Variants in KCNC3 observed in about 807,000 individuals in gnomAD.
KCNC3 encodes potassium voltage-gated channel subfamily C member 3, also known as voltage-gated potassium channel KCNC3.
A neutral mutation model predicts 43.9 loss-of-function variants in KCNC3; 22 were observed. The observed-to-expected ratio is 0.50, with a 90% CI of 0.36 to 0.72. The LOEUF is 0.72. Among genes scored for constraint, KCNC3 ranks in the 30% least tolerant of loss-of-function variants. The pLI, the probability that KCNC3 is intolerant of heterozygous loss-of-function variation, is 0.00. For synonymous variants in KCNC3, 492 were observed against 488.0 expected, an observed-to-expected ratio of 1.01 and a Z score of -0.11; for missense variants, 829 against 1,073.8, an observed-to-expected ratio of 0.77 and a Z score of 3.19.
In KCNC3 at chr19:50,312,511, G is replaced by C. The variant is rs1325876610; in HGVS notation, c.*3604C>G. On this transcript the variant is annotated 3_prime_UTR_variant, in exon 5 of 5. Transcript: ENST00000477616. ...CTGGCGGCCGGGGGGAAAAGGGGGA[G>C]CCGGACTTGGAAAGAGTCCCTTTAG... The C allele has an allele frequency of 6.6e-6, 1 of 152,272 alleles. No individual in the cohort carries two copies. The highest frequency in any genetic ancestry group is 2.4e-5 in the African/African-American group (1 of 41,458). The allele number at this position is 152,272 out of a possible 1,614,324, so 9.4% of individuals were successfully genotyped here.
chr19:50,323,262 G>C lies in KCNC3; in HGVS notation c.1691C>G (p.Pro564Arg), dbSNP rs779578498. The change falls in exon 2 of 5, where the codon CCC (proline) becomes CGC (arginine). Residue 564 changes from proline (P) to arginine (R), a missense_variant. Around this residue, in one of 7 missense-constraint regions of KCNC3, gnomAD observed 308 missense variants for 276.2 expected, o/e 1.11. Transcript: ENST00000477616. The stretch of plus-strand genomic sequence containing the variant: ...GGGCGAGCCCGGTTGCGGGGGCCGG[G>C]GGATGTGTTTGTTCTTCTTCTTGGG... ...KLPKKKNKHI[P>R]RPPQPGSPNY... 5.6e-6 allele frequency: 9 copies of C among 1,605,168 alleles called. 1 individual carries two copies. In the South Asian group the frequency reaches 9.9e-5, roughly 18 times the overall value.
In KCNC3 at chr19:50,320,670, C is replaced by T. The variant is rs144957827; in HGVS notation, c.2093G>A (p.Arg698His). ...EDKSPITPGS[R>H]GRYSRDRACF... Reference sequence around the variant, plus strand: ...GGCTCGGTCCCGGCTATAGCGGCCACGGCTTCCAGGCGTGATGGGGCTCTT... The same window carrying T: ...GGCTCGGTCCCGGCTATAGCGGCCATGGCTTCCAGGCGTGATGGGGCTCTT... The change falls in exon 3 of 5, where the codon CGT (arginine) becomes CAT (histidine). Residue 698 changes from arginine (R) to histidine (H), a missense_variant. Transcript: ENST00000477616. The T allele has an allele frequency of 4.3e-4, 695 of 1,613,694 alleles. 4 individuals carry two copies. In the African/African-American group the frequency reaches 8.4e-3, roughly 19 times the overall value.
In KCNC3 at chr19:50,328,726, C is replaced by T. The variant is rs1377650235; in HGVS notation, c.357G>A (p.Glu119=). ...LPGTRLAGLT[E]PEAAARFDYD... ...AGTCGAAGCGTGCCGCCGCCTCGGG[C>T]TCCGTCAGGCCGGCCAGCCGCGTCC... is the stretch of plus-strand genomic sequence containing the variant. The change falls in exon 1 of 5, where the codon GAG becomes GAA. Residue 119 remains glutamate (E), a synonymous_variant. Coordinates refer to ENST00000477616, the MANE Select transcript of KCNC3 (RefSeq NM_004977.3). The T allele has an allele frequency of 1.3e-6, 2 of 1,596,950 alleles. No homozygotes were observed. Among genetic ancestry groups the T allele is most frequent in the Admixed American group, 3.4e-5 (2 of 58,146 alleles).
At chr19:50,316,242 TG>T (rs1316538118) in intron 4 of KCNC3, among the ~76,000 whole-genome samples, 151 bp from the exon 5 acceptor site, 8 of 109,878 alleles carry the variant, frequency 7.3e-5, no homozygotes, top group Non-Finnish European at 1.5e-4. Flanking sequence ...AGCAGTGAAA[TG>T]GGGGGCGGCT....
chr19:50,324,160 C>G lies in KCNC3; in HGVS notation c.871-78G>C. 7.0e-7 allele frequency: 1 copy of G among 1,419,918 alleles called. No homozygotes were observed. The highest frequency in any genetic ancestry group is 9.4e-7 in the Non-Finnish European group (1 of 1,059,386). 88.0% of individuals were successfully genotyped at this position (1,419,918 alleles called of 1,614,324 possible). ...GGCCATAACATCCAGAAGACCCTTC[C>G]AGTGCCCCCTTCCCCAGCCTCCTGG... On this transcript the variant is annotated intron_variant, in intron 1 of 4. Transcript: ENST00000477616. This position sits in a 1 kb window ranked among gnomAD's most constrained non-coding sequence, Gnocchi z 4.1.
intron 2 of KCNC3, among the ~76,000 whole-genome samples, chr19:50,321,974 A>G (rs1479363750): frequency 6.6e-6 from 1 of 151,954 alleles, no homozygotes; most frequent in Non-Finnish European, 1.5e-5. Context: ...GGCTCTGGGA[A>G]GGGCACCAAG....
chr19:50,329,541 A>C (rs997968154), upstream of KCNC3: 1 of 152,298 alleles, frequency 6.6e-6, no homozygotes, highest in Non-Finnish European at 1.5e-5. Flanking sequence ...GGGCGGGGCC[A>C]CCATGAGAGA....
At chr19:50,328,161 G>T in intron 1 of KCNC3, 52 bp downstream of exon 1, 2 of 988,424 alleles carry the variant, frequency 2.0e-6, no homozygotes, top group Non-Finnish European at 2.4e-6. Flanking sequence ...GAGACTGGGG[G>T]CGCCTGGAGA....
chr19:50,314,870 A>C lies in KCNC3; in HGVS notation c.*1245T>G. 1 of 282,900 alleles carries C rather than the reference A, an allele frequency of 3.5e-6. No individual in the cohort carries two copies. The highest frequency in any genetic ancestry group is 6.9e-6 in the Non-Finnish European group (1 of 143,938). 17.5% of individuals were successfully genotyped at this position (282,900 alleles called of 1,614,324 possible). ...AGGGGAGCGCTAAAGGATGGAGGGC[A>C]GGGTCGGGGGAGCGCGGCGGGCGGC... On this transcript the variant is annotated 3_prime_UTR_variant, in exon 5 of 5. Transcript: ENST00000477616.
chr19:50,329,853 C>G (rs1277107516), upstream of KCNC3: 1 of 152,314 alleles, frequency 6.6e-6, no homozygotes, highest in African/African-American at 2.4e-5. Context: ...CTGGATAGGC[C>G]TAAGGGAGGG....
upstream of KCNC3, among the ~76,000 whole-genome samples, chr19:50,333,096 C>T (rs1371383568): frequency 2.0e-5 from 3 of 152,222 alleles, no homozygotes; most frequent in Non-Finnish European, 4.4e-5. Flanking sequence ...ATCTTTGGGT[C>T]CCTGGATCCC....
intron 4 of KCNC3, among the ~76,000 whole-genome samples, chr19:50,317,556 G>A (rs756605827): frequency 3.3e-5 from 5 of 151,912 alleles, no homozygotes; most frequent in Admixed American, 2.0e-4. Context: ...ATAAAGTCCC[G>A]CCTCCTCACC....
chr19:50,329,043 G>A lies in KCNC3; in HGVS notation c.40C>T (p.Gln14Ter), dbSNP rs1200807677. ...SVCVSSFRGR[Q>*]GASKQQPAPP... ...GCCGGCTGCTGCTTGCTGGCCCCCT[G>A]GCGCCCGCGGAAGGACGAGACGCAG... Residue 14 changes from glutamine (Q) to a stop codon, truncating the protein, a stop_gained, in exon 1 of 5, where the codon CAG (glutamine) becomes TAG (stop). Transcript: ENST00000477616. LOFTEE classifies it high-confidence loss of function. 4 of 1,357,038 alleles carry A rather than the reference G, an allele frequency of 2.9e-6. No homozygotes were observed. Among genetic ancestry groups the A allele is most frequent in the Admixed American group, 2.7e-5 (1 of 36,384 alleles). The allele number at this position is 1,357,038 out of a possible 1,614,324, so 84.1% of individuals were successfully genotyped here.
Position 50,323,097 on chromosome 19 carries a change from G to A in KCNC3, c.1856C>T (p.Thr619Met), listed in dbSNP as rs942713465. ...TCCCCCCCTGAGCAGCCCGGGGTGCGTGTGGGGCCCCGCTGGGTAGGCCCC... is the reference window on the plus strand; with the variant it reads ...TCCCCCCCTGAGCAGCCCGGGGTGCATGTGGGGCCCCGCTGGGTAGGCCCC... Reference protein sequence around the residue: ...VAGAYPAGPHTHPGLLRGGAG... With the variant: ...VAGAYPAGPHMHPGLLRGGAG... Residue 619 changes from threonine to methionine, a missense_variant, in exon 2 of 5, where the codon ACG (threonine) becomes ATG (methionine). This residue lies in a region of KCNC3 where 308 missense variants were observed against 276.2 expected (regional missense o/e 1.11). Coordinates refer to ENST00000477616, the MANE Select transcript of KCNC3 (RefSeq NM_004977.3). The A allele has an allele frequency of 1.4e-5, 21 of 1,539,708 alleles. No individual in the cohort carries two copies. The highest frequency in any genetic ancestry group is 3.6e-5 in the South Asian group (3 of 83,650).
upstream of KCNC3, chr19:50,333,391 G>A: frequency 1.3e-5 from 2 of 155,432 alleles, no homozygotes; most frequent in Non-Finnish European, 2.9e-5. Context: ...GAATGCCAAG[G>A]CAGAGAGGAG....
chr19:50,329,083 TGGACGGGGGGCG>T lies in KCNC3; in HGVS notation c.-13_-2del. 7 of 321,302 alleles carry T rather than the reference TGGACGGGGGGCG, an allele frequency of 2.2e-5. No homozygotes were observed. Among genetic ancestry groups the T allele is most frequent in the Non-Finnish European group, 2.8e-5 (7 of 249,004 alleles). The allele number at this position is 321,302 out of a possible 1,614,324, so 19.9% of individuals were successfully genotyped here. A position where few individuals can be genotyped will look rare whatever the true frequency, so the allele number is the denominator to read the frequency against. ...ACGAGACGCAGACTGAGCTCAGCAT[TGGACGGGGGGCG>T]GGGCGGGAGGGGCGGGGACGCAGGG... On this transcript the variant is annotated 5_prime_UTR_variant, in exon 1 of 5. Transcript: ENST00000477616.
Position 50,324,088 on chromosome 19 carries a change from G to A in KCNC3, c.871-6C>T, listed in dbSNP as rs748882423. 4.4e-6 allele frequency: 7 copies of A among 1,583,284 alleles called. No homozygotes were observed. The East Asian group carries it at 1.3e-4, about 30-fold the overall frequency. ...AGGGAGGCGAAGGCCACATACTGCA[G>A]GGCAGGGAGGGAGAGAGAGGGGGAG... is the stretch of plus-strand genomic sequence containing the variant. On this transcript the variant is annotated splice_polypyrimidine_tract_variant and splice_region_variant and intron_variant, in intron 1 of 4. Coordinates refer to ENST00000477616, the MANE Select transcript of KCNC3 (RefSeq NM_004977.3). The surrounding 1 kb of genome is among the most constrained non-coding windows in gnomAD (Gnocchi z 4.1).
In KCNC3 at chr19:50,329,035, G is replaced by T; in HGVS notation, c.48C>A (p.Ala16=). 2 of 1,338,292 alleles carry T rather than the reference G, an allele frequency of 1.5e-6. No homozygotes were observed. The highest frequency in any genetic ancestry group is 1.9e-6 in the Non-Finnish European group (2 of 1,040,678). The allele number at this position is 1,338,292 out of a possible 1,614,324, so 82.9% of individuals were successfully genotyped here. A position where few individuals can be genotyped will look rare whatever the true frequency, so the allele number is the denominator to read the frequency against. Residue 16 remains alanine, a synonymous_variant, in exon 1 of 5, where the codon GCC becomes GCA. Coordinates refer to ENST00000477616, the MANE Select transcript of KCNC3 (RefSeq NM_004977.3). ...CVSSFRGRQG[A]SKQQPAPPPQ... is the part of the protein sequence containing the mutation. ...GCGGTGGCGCCGGCTGCTGCTTGCT[G>T]GCCCCCTGGCGCCCGCGGAAGGACG... is the stretch of plus-strand genomic sequence containing the variant.
Position 50,324,177 on chromosome 19 carries a change from G to T in KCNC3, c.871-95C>A. The T allele has an allele frequency of 7.8e-7, 1 of 1,285,116 alleles. No homozygotes were observed. The highest frequency in any genetic ancestry group is 1.1e-6 in the Non-Finnish European group (1 of 949,038). The allele number at this position is 1,285,116 out of a possible 1,614,324, so 79.6% of individuals were successfully genotyped here. On this transcript the variant is annotated intron_variant, in intron 1 of 4. Transcript: ENST00000477616. The surrounding 1 kb of genome is among the most constrained non-coding windows in gnomAD (Gnocchi z 4.1). ...GACCCTTCCAGTGCCCCCTTCCCCAGCCTCCTGGGCCCAAACTCTGGGCAA... is the reference window on the plus strand; with the variant it reads ...GACCCTTCCAGTGCCCCCTTCCCCATCCTCCTGGGCCCAAACTCTGGGCAA...
Sources: allele counts gnomAD v4.1 joint callset (sites outside exome capture counted in the v4.1 genomes callset), GRCh38; gene constraint gnomAD v4.1.1; regional missense constraint gnomAD v4.1.1; non-coding constraint Gnocchi (gnomAD v3.1); transcripts MANE v1.5; gene names NCBI Gene and HGNC (gene_info 2026-07-23, HGNC 2026-07-21).